The following ANKRD36C variants were observed in gnomAD, a reference collection of about 807,000 sequenced individuals.
ANKRD36C encodes the protein ankyrin repeat domain-containing protein 36C.
In ANKRD36C, 61 loss-of-function variants were observed where a neutral mutation model predicts 276.4. That is an observed-to-expected ratio of 0.22 (90% CI 0.18 to 0.27). The LOEUF is 0.27. Among genes scored for constraint, ANKRD36C ranks in the 10% least tolerant of loss-of-function variants. The probability of loss-of-function intolerance (pLI) is 1.00; values close to 1 mark genes in which losing one functional copy is unlikely to be tolerated. For missense variants in ANKRD36C, 1,447 were observed against 2,032.3 expected (o/e 0.71, Z 5.54); for synonymous variants, 483 against 680.1 (o/e 0.71, Z 4.51).
downstream of ANKRD36C, among the ~76,000 whole-genome samples, chr2:95,849,678 C>T (rs1435072256): frequency 6.6e-6 from 1 of 152,106 alleles, no homozygotes; most frequent in South Asian, 2.1e-4. Context: ...ATGGTCCCAT[C>T]GTGAAGAGAA....
At chr2:95,862,253 A>AT (rs1299619778) in intron 60 of ANKRD36C, among the ~76,000 whole-genome samples, 1 of 152,108 alleles carries the variant, frequency 6.6e-6, no homozygotes, top group Non-Finnish European at 1.5e-5. Context: ...CGGAACACTT[A>AT]CCAAAATAGA....
chr2:95,949,660 G>A (rs1372282206), intron 16 of ANKRD36C, among the ~76,000 whole-genome samples: 2 of 152,198 alleles, frequency 1.3e-5, no homozygotes, highest in African/African-American at 4.8e-5. Context: ...ACTGCGTTTT[G>A]AACTAAGAAA....
chr2:95,928,665 C>T (rs1356731776), intron 26 of ANKRD36C, among the ~76,000 whole-genome samples: 1 of 151,504 alleles, frequency 6.6e-6, no homozygotes, highest in African/African-American at 2.4e-5. Context: ...TCTCATTCTA[C>T]AGTGTTTATG....
chr2:95,925,234 C>T (rs1429575034), intron 30 of ANKRD36C, 118 bp downstream of exon 30: 3 of 1,490,164 alleles, frequency 2.0e-6, no homozygotes, highest in Non-Finnish European at 2.7e-6. Context: ...AATGCACAAT[C>T]TCAGGCCTGC....
chr2:95,867,781 T>A (rs1341568629), intron 59 of ANKRD36C, among the ~76,000 whole-genome samples, 200 bp from the exon 80 acceptor site: 1 of 150,398 alleles, frequency 6.6e-6, no homozygotes, highest in Admixed American at 6.6e-5. Flanking sequence ...AGTTTCCCAG[T>A]TCCTATGCTA....
intron 24 of ANKRD36C, among the ~76,000 whole-genome samples, chr2:95,930,721 T>C (rs1677541410): frequency 6.6e-6 from 1 of 151,606 alleles, no homozygotes; most frequent in Admixed American, 6.6e-5. Context: ...TTAAAATACA[T>C]TCTTTGATTC....
At chr2:95,978,509 C>T (rs1006765293) in intron 5 of ANKRD36C, among the ~76,000 whole-genome samples, 7 of 152,078 alleles carry the variant, frequency 4.6e-5, no homozygotes, top group African/African-American at 1.7e-4. Flanking sequence ...CAAGTTGCTT[C>T]TCTTAGGCAC....
intron 6 of ANKRD36C, among the ~76,000 whole-genome samples, chr2:95,966,672 T>C (rs2104514901): frequency 6.6e-6 from 1 of 152,302 alleles, no homozygotes; most frequent in Non-Finnish European, 1.5e-5. Context: ...CATATGAAAT[T>C]TAAAGTAGTT....
intron 13 of ANKRD36C, among the ~76,000 whole-genome samples, chr2:95,956,104 G>A (rs1363074376): frequency 6.6e-6 from 1 of 152,150 alleles, no homozygotes; most frequent in Non-Finnish European, 1.5e-5. Flanking sequence ...TGGGTAGGGA[G>A]TAAGTAGAGA....
At chr2:95,912,165 A>G in intron 42 of ANKRD36C, 79 bp downstream of exon 44, 2 of 1,520,152 alleles carry the variant, frequency 1.3e-6, no homozygotes. Context: ...AGCTTCGACC[A>G]GCCCCCCACT....
At position 95,927,370 on chromosome 2, in the gene ANKRD36C, T is replaced by A. The variant is rs372163659; in HGVS notation, c.1866+11A>T. On this transcript the variant is annotated intron_variant, in intron 27 of 66. Coordinates refer to ENST00000456556, the Ensembl canonical transcript of ANKRD36C. The stretch of plus-strand genomic sequence containing the variant: ...GTTAATAGTTCAACATATAAATGAG[T>A]CTTTAATTACCTTCTCAGCTGGTTG... 46 of 1,606,210 alleles carry A rather than the reference T, an allele frequency of 2.9e-5. 1 individual carries two copies. The highest frequency in any genetic ancestry group is 1.8e-4 in the East Asian group (8 of 44,756).
chr2:95,913,496 T>C (rs532227395), intron 40 of ANKRD36C, among the ~76,000 whole-genome samples: 25 of 151,592 alleles, frequency 1.6e-4, no homozygotes, highest in African/African-American at 5.3e-4. Flanking sequence ...AATTATACCA[T>C]TGTTTCCTGC....
At chr2:95,907,563 A>G (rs1237478028) in intron 42 of ANKRD36C, 1 of 147,590 alleles carries the variant, frequency 6.8e-6, no homozygotes, top group Non-Finnish European at 1.5e-5. Context: ...TGAAATGGCT[A>G]CAAGCATTAG....
At chr2:95,914,437 T>C (rs771279136) in intron 38 of ANKRD36C, 134 bp from the exon 41 acceptor site, 1 of 1,178,524 alleles carries the variant, frequency 8.5e-7, no homozygotes, top group Non-Finnish European at 1.2e-6. Flanking sequence ...CTACTTTGTG[T>C]CTGGGGACTA....
Position 95,910,333 on chromosome 2 carries a change from T to C in ANKRD36C, c.2653+1911A>G, listed in dbSNP as rs2104393458. 3.3e-6 allele frequency: 5 copies of C among 1,514,232 alleles called. No individual in the cohort carries two copies. The East Asian group carries it at 9.9e-5, about 30-fold the overall frequency. 93.8% of individuals were successfully genotyped at this position (1,514,232 alleles called of 1,614,324 possible). On this transcript the variant is annotated intron_variant, in intron 42 of 66. Coordinates refer to ENST00000456556, the Ensembl canonical transcript of ANKRD36C. The stretch of plus-strand genomic sequence containing the variant: ...TTTGGAGAAGAGAACTTCTTATCTA[T>C]CTGGACAGAACACGACATTAAATCT...
chr2:95,972,764 TC>T (rs1342809711), intron 6 of ANKRD36C, among the ~76,000 whole-genome samples: 8 of 152,048 alleles, frequency 5.3e-5, no homozygotes, highest in African/African-American at 1.9e-4. Context: ...CATGAATAAA[TC>T]CATAAAGGAA....
chr2:95,950,445 C>T lies in ANKRD36C; in HGVS notation c.1295+304G>A, dbSNP rs1168207681. 4.6e-5 allele frequency among the ~76,000 whole-genome samples: 7 copies of T among 151,748 alleles called. No individual in the cohort carries two copies. In the East Asian group the frequency reaches 1.2e-3, roughly 26 times the overall value. ...CTGCATAGGCCTCTATCCATCTATG[C>T]TTAGGGGCAAATGAAGTGATTTGAG... is the stretch of plus-strand genomic sequence containing the variant. On this transcript the variant is annotated intron_variant, in intron 16 of 66. Coordinates refer to ENST00000456556, the Ensembl canonical transcript of ANKRD36C.
chr2:95,928,290 G>C (rs1456922122), intron 26 of ANKRD36C, among the ~76,000 whole-genome samples: 3 of 151,534 alleles, frequency 2.0e-5, no homozygotes, highest in African/African-American at 7.3e-5. Flanking sequence ...TCATTAAATA[G>C]CTATTTTATC....
exon 63 of ANKRD36C, chr2:95,856,003 G>A (rs751418950): frequency 8.1e-6 from 13 of 1,612,466 alleles, no homozygotes; most frequent in Admixed American, 1.7e-5. Flanking sequence ...TCCTCATTCC[G>A]TTTTAGAGCC....
Sources: allele counts gnomAD v4.1 joint callset (sites outside exome capture counted in the v4.1 genomes callset), GRCh38; gene constraint gnomAD v4.1.1; transcripts MANE v1.5; gene names NCBI Gene and HGNC (gene_info 2026-07-23, HGNC 2026-07-21).